The following TMEM120B variants were observed in gnomAD, a reference collection of about 807,000 sequenced individuals.
TMEM120B encodes the protein transmembrane protein 120B.
In TMEM120B, 31 loss-of-function variants were observed where a neutral mutation model predicts 55.5. The ratio of observed to expected loss-of-function variants is 0.56; its 90% confidence interval spans 0.42 to 0.75. The LOEUF is 0.75. Ranked by LOEUF, TMEM120B falls within the 30% of genes least tolerant of loss-of-function variation. The pLI, the probability that TMEM120B is intolerant of heterozygous loss-of-function variation, is 0.00. For synonymous variants in TMEM120B, 203 were observed against 176.3 expected, an observed-to-expected ratio of 1.15 and a Z score of -1.20; for missense variants, 399 against 425.5, an observed-to-expected ratio of 0.94 and a Z score of 0.55.
Position 121,775,704 on chromosome 12 carries a change from C to T in TMEM120B, c.1002C>T (p.Gly334=). The T allele has an allele frequency of 6.2e-7, 1 of 1,614,030 alleles. No individual in the cohort carries two copies. Among genetic ancestry groups the T allele is most frequent in the East Asian group, 2.2e-5 (1 of 44,876 alleles). The change falls in exon 12 of 12, where the codon GGC becomes GGT. Residue 334 remains glycine (G), a synonymous_variant. Coordinates refer to ENST00000449592, the MANE Select transcript of TMEM120B (RefSeq NM_001080825.2). The surrounding 1 kb of genome is among the most constrained non-coding windows in gnomAD (Gnocchi z 4.3). ...VVHAKLQKNR[G]KTKQP Reference sequence around the variant, plus strand: ...ATGCCAAGCTCCAGAAGAACAGAGGCAAGACAAAGCAGCCGTGAGCCTCGG... The same window carrying T: ...ATGCCAAGCTCCAGAAGAACAGAGGTAAGACAAAGCAGCCGTGAGCCTCGG...
At chr12:121,713,124 TCA>T (rs1470935535) in intron 1 of TMEM120B, among the ~76,000 whole-genome samples, 160 bp downstream of exon 1, 4 of 151,926 alleles carry the variant, frequency 2.6e-5, no homozygotes, top group Non-Finnish European at 5.9e-5. Flanking sequence ...CCCCCTCCCA[TCA>T]CCCGGCGCTT....
At chr12:121,738,727 A>G (rs1223557452) in intron 1 of TMEM120B, among the ~76,000 whole-genome samples, 1 of 152,164 alleles carries the variant, frequency 6.6e-6, no homozygotes, top group African/African-American at 2.4e-5. Context: ...TTACCAAGCA[A>G]AGTTAGCATC....
intron 9 of TMEM120B, among the ~76,000 whole-genome samples, chr12:121,773,756 G>A (rs1447602614): frequency 9.1e-6 from 1 of 109,398 alleles, no homozygotes; most frequent in African/African-American, 4.5e-5. Context: ...TTTTTTGTGT[G>A]TGTTCTAGAA....
At chr12:121,713,153 TG>T (rs1166915760) in intron 1 of TMEM120B, among the ~76,000 whole-genome samples, 189 bp downstream of exon 1, 1 of 151,796 alleles carries the variant, frequency 6.6e-6, no homozygotes, top group Non-Finnish European at 1.5e-5. Context: ...TTCGTCCACG[TG>T]GGGCGCCGGG....
At position 121,780,497 on chromosome 12, in the gene TMEM120B, C is replaced by T. The variant is rs1016948116; in HGVS notation, c.*4775C>T. ...CGTGAAGGGGACGCCTACTTTCAAA[C>T]AAGGCAGACAGGACACGACAGGACG... On this transcript the variant is annotated 3_prime_UTR_variant, in exon 12 of 12. Transcript: ENST00000449592. 3.5e-5 allele frequency: 13 copies of T among 372,518 alleles called. No individual in the cohort carries two copies. Among genetic ancestry groups the T allele is most frequent in the Non-Finnish European group, 5.8e-5 (12 of 206,418 alleles). 23.1% of individuals were successfully genotyped at this position (372,518 alleles called of 1,614,324 possible).
intron 6 of TMEM120B, among the ~76,000 whole-genome samples, chr12:121,770,395 A>G (rs1874000027): frequency 1.3e-5 from 2 of 152,130 alleles, no homozygotes. Context: ...CTTCAAATAC[A>G]GTCACGGACG....
intron 5 of TMEM120B, among the ~76,000 whole-genome samples, chr12:121,757,718 A>G (rs890587086): frequency 2.6e-5 from 4 of 152,072 alleles, no homozygotes; most frequent in Non-Finnish European, 4.4e-5. Flanking sequence ...GGGTTTCACC[A>G]TGTTAGCCAG....
intron 1 of TMEM120B, among the ~76,000 whole-genome samples, chr12:121,732,717 C>A (rs895930206): frequency 6.6e-6 from 1 of 152,018 alleles, no homozygotes; most frequent in Non-Finnish European, 1.5e-5. Flanking sequence ...CGGTGGCTCA[C>A]GCCTGTAATC....
chr12:121,763,746 G>A (rs1055583852), intron 6 of TMEM120B, among the ~76,000 whole-genome samples: 2 of 151,990 alleles, frequency 1.3e-5, no homozygotes, highest in East Asian at 1.9e-4. Flanking sequence ...CCCTGCCAAC[G>A]TGCCATTCCG....
At chr12:121,768,850 G>A (rs78774470) in intron 6 of TMEM120B, among the ~76,000 whole-genome samples, 7,855 of 152,194 alleles carry the variant, frequency 0.052, 265 homozygotes, top group African/African-American at 0.078. Flanking sequence ...CTGTGGATCA[G>A]GAGCCCCCAG....
chr12:121,717,056 G>T (rs761054540), intron 1 of TMEM120B, among the ~76,000 whole-genome samples: 5 of 152,226 alleles, frequency 3.3e-5, no homozygotes, highest in African/African-American at 4.8e-5. Context: ...CTGGGGCACA[G>T]TTGAGTCTCC....
intron 1 of TMEM120B, among the ~76,000 whole-genome samples, chr12:121,726,610 A>G (rs559624827): frequency 3.7e-4 from 56 of 150,592 alleles, no homozygotes; most frequent in African/African-American, 1.3e-3. Flanking sequence ...TAATAATAAT[A>G]ATGCTTCAGG....
chr12:121,731,462 C>T (rs1172120937), intron 1 of TMEM120B, among the ~76,000 whole-genome samples: 2 of 152,072 alleles, frequency 1.3e-5, no homozygotes, highest in African/African-American at 4.8e-5. Context: ...GCCATACTGG[C>T]CAGGCTGGTT....
At chr12:121,771,184 A>T (rs1327773626) in intron 7 of TMEM120B, among the ~76,000 whole-genome samples, 1 of 152,024 alleles carries the variant, frequency 6.6e-6, no homozygotes, top group African/African-American at 2.4e-5. Context: ...GTCCCTGGCC[A>T]GGGCAGAGGT....
rs540279292 is a variant in TMEM120B, at chr12:121,748,533, C to T, written c.305+91C>T. ...TATAACTCTCGCCTTCCTGCTGGTG[C>T]TCAGATTGAAGGGGAAAGAGGGAAA... On this transcript the variant is annotated intron_variant, in intron 3 of 11. Transcript: ENST00000449592. 1.5e-5 allele frequency: 13 copies of T among 847,880 alleles called. No individual in the cohort carries two copies. In the South Asian group the frequency reaches 2.2e-4, roughly 15 times the overall value. 52.5% of individuals were successfully genotyped at this position (847,880 alleles called of 1,614,324 possible). A position where few individuals can be genotyped will look rare whatever the true frequency, so the allele number is the denominator to read the frequency against.
intron 6 of TMEM120B, among the ~76,000 whole-genome samples, chr12:121,764,617 C>T (rs571732852): frequency 3.0e-4 from 45 of 152,026 alleles, no homozygotes; most frequent in African/African-American, 1.0e-3. Context: ...AGGTTGAGGC[C>T]ACTGCACTCC....
chr12:121,779,428 C>T lies in TMEM120B; in HGVS notation c.*3706C>T. The T allele has an allele frequency of 2.6e-6, 4 of 1,549,120 alleles. No individual in the cohort carries two copies. The South Asian group carries it at 4.5e-5, about 18-fold the overall frequency. ...AGCTGGAGGGTCGGGATGGGGCAGC[C>T]TCCCTGGTGCAATCGGCACCTGGGC... is the stretch of plus-strand genomic sequence containing the variant. On this transcript the variant is annotated 3_prime_UTR_variant, in exon 12 of 12. Coordinates refer to ENST00000449592, the MANE Select transcript of TMEM120B (RefSeq NM_001080825.2).
At position 121,779,400 on chromosome 12, in the gene TMEM120B, A is replaced by G; in HGVS notation, c.*3678A>G. ...AGTCTAGCCGCAGGCCCCAGACACCATGAGCTGGAGGGTCGGGATGGGGCA... is the reference window on the plus strand; with the variant it reads ...AGTCTAGCCGCAGGCCCCAGACACCGTGAGCTGGAGGGTCGGGATGGGGCA... On this transcript the variant is annotated 3_prime_UTR_variant, in exon 12 of 12. Coordinates refer to ENST00000449592, the MANE Select transcript of TMEM120B (RefSeq NM_001080825.2). 7.5e-7 allele frequency: 1 copy of G among 1,325,032 alleles called. No individual in the cohort carries two copies. The highest frequency in any genetic ancestry group is 1.0e-6 in the Non-Finnish European group (1 of 962,524). The allele number at this position is 1,325,032 out of a possible 1,614,324, so 82.1% of individuals were successfully genotyped here.
Position 121,780,950 on chromosome 12 carries a change from G to T in TMEM120B, c.*5228G>T, listed in dbSNP as rs1411775281. 7 of 1,613,992 alleles carry T rather than the reference G, an allele frequency of 4.3e-6. No individual in the cohort carries two copies. Among genetic ancestry groups the T allele is most frequent in the Non-Finnish European group, 5.9e-6 (7 of 1,179,972 alleles). On this transcript the variant is annotated 3_prime_UTR_variant, in exon 12 of 12. Transcript: ENST00000449592. ...CCTTGTCCTTCCTCAGGTCTGTCTT[G>T]CAGCCGATGAGCACCATGGGGATCC...
Sources: gnomAD v4.1 joint callset for allele counts (sites outside exome capture counted in the v4.1 genomes callset) on GRCh38, gnomAD v4.1.1 for gene constraint, Gnocchi (gnomAD v3.1) non-coding constraint, MANE v1.5 for transcripts, NCBI Gene and HGNC (gene_info 2026-07-23, HGNC 2026-07-21) for gene names.